GALNTL6: variants seen among roughly 807,000 people sequenced by gnomAD.
GALNTL6 encodes the protein polypeptide N-acetylgalactosaminyltransferase-like 6.
Under a neutral mutation model 73.7 loss-of-function variants are expected in GALNTL6, and 46 were observed. The observed-to-expected ratio is 0.62, with a 90% confidence interval of 0.49 to 0.80. GALNTL6 has a LOEUF of 0.80. GALNTL6 is among the 30% of genes least tolerant of loss of function. The pLI is 0.00. For missense variants in GALNTL6, 604 were observed against 755.0 expected, an observed-to-expected ratio of 0.80 and a Z score of 2.34; for synonymous variants, 259 against 263.7, an observed-to-expected ratio of 0.98 and a Z score of 0.17.
At chr4:171,881,014 GC>G (rs1161651472) in intron 2 of GALNTL6, among the ~76,000 whole-genome samples, 1 of 151,768 alleles carries the variant, frequency 6.6e-6, no homozygotes, top group Non-Finnish European at 1.5e-5. Context: ...GTACAAAATG[GC>G]TCCCACCGAG....
At chr4:172,095,112 G>T (rs1363787399) in intron 2 of GALNTL6, among the ~76,000 whole-genome samples, 2 of 151,526 alleles carry the variant, frequency 1.3e-5, no homozygotes, top group Admixed American at 1.3e-4. Flanking sequence ...GGCTGTGTTA[G>T]GGAGGGTCCA....
intron 2 of GALNTL6, among the ~76,000 whole-genome samples, chr4:171,984,026 G>A (rs531645033): frequency 1.5e-4 from 23 of 152,236 alleles, no homozygotes; most frequent in Admixed American, 6.5e-4. Flanking sequence ...ACCCCAGCCC[G>A]GGCTGTTAAC....
At chr4:172,177,819 G>GTATATATACACACACATATATATGTGTA (rs1351434786) in intron 2 of GALNTL6, among the ~76,000 whole-genome samples, 1 of 131,390 alleles carries the variant, frequency 7.6e-6, no homozygotes, top group African/African-American at 3.3e-5. Flanking sequence ...ATATGTGTGT[G>GTATATATACACACACATATATATGTGTA]TATATATACA....
chr4:172,379,486 C>T (rs1270667346), intron 5 of GALNTL6, among the ~76,000 whole-genome samples: 2 of 142,790 alleles, frequency 1.4e-5, no homozygotes, highest in Non-Finnish European at 3.0e-5. Context: ...GCCGAGATTG[C>T]GCCACTGCAG....
chr4:172,848,171 T>TAAGTCTCGTGTACATGACCC (rs1223492475), intron 7 of GALNTL6, among the ~76,000 whole-genome samples: 1 of 152,320 alleles, frequency 6.6e-6, no homozygotes, highest in East Asian at 1.9e-4. Context: ...AGTTATGACC[T>TAAGTCTCGTGTACATGACCC]ATGTCTCGTG....
intron 2 of GALNTL6, among the ~76,000 whole-genome samples, chr4:172,106,783 A>G (rs1732686011): frequency 6.6e-6 from 1 of 152,222 alleles, no homozygotes. Context: ...ATAGTGAACA[A>G]AAAAAGGGAC....
chr4:171,904,926 T>G (rs1437853271), intron 2 of GALNTL6, among the ~76,000 whole-genome samples: 1 of 152,000 alleles, frequency 6.6e-6, no homozygotes, highest in Non-Finnish European at 1.5e-5. Context: ...ATAAAATACT[T>G]TACAGACAAG....
chr4:172,870,052 G>GTCA (rs55936018), intron 7 of GALNTL6, among the ~76,000 whole-genome samples: 20,318 of 142,984 alleles, frequency 0.14, 1,450 homozygotes, highest in East Asian at 0.2. Context: ...GACCTTTACT[G>GTCA]TCATCATCAT....
intron 5 of GALNTL6, among the ~76,000 whole-genome samples, chr4:172,642,800 A>T (rs1268032886): frequency 2.0e-5 from 3 of 151,944 alleles, no homozygotes; most frequent in Admixed American, 6.6e-5. Flanking sequence ...ATAAACATTT[A>T]AAAACATCAT....
chr4:172,523,886 C>T (rs1734865669), intron 5 of GALNTL6, among the ~76,000 whole-genome samples: 2 of 152,130 alleles, frequency 1.3e-5, no homozygotes, highest in East Asian at 1.9e-4. Context: ...AGATATATAA[C>T]TCAATAATTT....
intron 2 of GALNTL6, among the ~76,000 whole-genome samples, chr4:171,909,598 A>G (rs897208457): frequency 6.6e-6 from 1 of 152,204 alleles, no homozygotes; most frequent in African/African-American, 2.4e-5. Context: ...AGGACGGTAG[A>G]AAAATCCATG....
At chr4:172,234,066 G>T (rs941255322) in intron 3 of GALNTL6, among the ~76,000 whole-genome samples, 45 of 151,882 alleles carry the variant, frequency 3.0e-4, no homozygotes, top group African/African-American at 9.7e-4. Context: ...TTGTAATATA[G>T]AAATGTTAAT....
intron 2 of GALNTL6, among the ~76,000 whole-genome samples, chr4:172,062,267 A>G (rs145882260): frequency 6.6e-6 from 1 of 152,148 alleles, no homozygotes; most frequent in Admixed American, 6.5e-5. Flanking sequence ...ACATTTTGTA[A>G]GTAAGAATAC....
At chr4:172,034,525 T>C (rs1169421387) in intron 2 of GALNTL6, among the ~76,000 whole-genome samples, 1 of 152,002 alleles carries the variant, frequency 6.6e-6, no homozygotes. Flanking sequence ...TGTGGTTATG[T>C]ATGAATTTTC....
At chr4:172,042,843 T>C (rs1303924989) in intron 2 of GALNTL6, among the ~76,000 whole-genome samples, 1 of 109,826 alleles carries the variant, frequency 9.1e-6, no homozygotes, top group Non-Finnish European at 1.7e-5. Context: ...TACCTTGTTC[T>C]ATCCGAGCAA....
At chr4:171,983,022 G>T (rs944675939) in intron 2 of GALNTL6, among the ~76,000 whole-genome samples, 1 of 151,556 alleles carries the variant, frequency 6.6e-6, no homozygotes, top group Non-Finnish European at 1.5e-5. Context: ...TTTCCTCCTT[G>T]CACTTTCTCT....
chr4:172,306,220 C>G (rs976929087), intron 3 of GALNTL6, among the ~76,000 whole-genome samples: 2 of 152,058 alleles, frequency 1.3e-5, no homozygotes, highest in African/African-American at 4.8e-5. Flanking sequence ...GAAACCCTGT[C>G]TCTACTAAAA....
intron 2 of GALNTL6, among the ~76,000 whole-genome samples, chr4:172,218,292 C>T (rs1356222668): frequency 6.6e-6 from 1 of 152,020 alleles, no homozygotes; most frequent in East Asian, 1.9e-4. Context: ...TGACAGTAGG[C>T]CTTAGGCCTT....
chr4:172,690,056 A>G (rs1250574090), intron 5 of GALNTL6, among the ~76,000 whole-genome samples: 1 of 152,212 alleles, frequency 6.6e-6, no homozygotes, highest in Non-Finnish European at 1.5e-5. Flanking sequence ...GTGACAAAAT[A>G]TAGAAATTAA....
Sources: gnomAD v4.1 joint callset for allele counts (sites outside exome capture counted in the v4.1 genomes callset) on GRCh38, gnomAD v4.1.1 for gene constraint, MANE v1.5 for transcripts, NCBI Gene and HGNC (gene_info 2026-07-23, HGNC 2026-07-21) for gene names.